The following ESR1 variants were observed in gnomAD, a reference collection of about 807,000 sequenced individuals.
The protein encoded by ESR1 is estrogen receptor 1.
ESR1 carries 12 observed loss-of-function variants against 52.7 expected under a neutral mutation model. The ratio of observed to expected loss-of-function variants is 0.23; its 90% confidence interval spans 0.15 to 0.37. ESR1 has a LOEUF of 0.37. Among genes scored for constraint, ESR1 ranks in the 10% least tolerant of loss-of-function variants. The pLI, the probability that ESR1 is intolerant of heterozygous loss-of-function variation, is 1.00. For missense variants in ESR1, 584 were observed against 779.7 expected, an observed-to-expected ratio of 0.75 and a Z score of 2.99; for synonymous variants, 305 against 316.8, an observed-to-expected ratio of 0.96 and a Z score of 0.39.
At chr6:151,933,275 G>T (rs1226823483) in intron 3 of ESR1, among the ~76,000 whole-genome samples, 1 of 149,190 alleles carries the variant, frequency 6.7e-6, no homozygotes. Flanking sequence ...TGGTGTATAA[G>T]AATGCTTGTG....
At chr6:151,907,137 T>C (rs1185854167) in intron 3 of ESR1, among the ~76,000 whole-genome samples, 1 of 152,136 alleles carries the variant, frequency 6.6e-6, no homozygotes, top group South Asian at 2.1e-4. Context: ...ATTTAATTTC[T>C]GTGTCTTTAT....
chr6:151,799,864 T>C (rs1777065142), upstream of ESR1, among the ~76,000 whole-genome samples: 1 of 152,180 alleles, frequency 6.6e-6, no homozygotes. Flanking sequence ...CGTGAATATT[T>C]AGACCCAGAG....
intron 3 of ESR1, among the ~76,000 whole-genome samples, chr6:151,931,367 GA>G (rs2033575236): frequency 6.6e-6 from 1 of 151,720 alleles, no homozygotes. Flanking sequence ...ATTTGCTTTT[GA>G]TTCTTTCTTA....
At chr6:152,026,993 T>C (rs1413837185) in intron 5 of ESR1, among the ~76,000 whole-genome samples, 1 of 151,254 alleles carries the variant, frequency 6.6e-6, no homozygotes, top group African/African-American at 2.4e-5. Flanking sequence ...TGAGGTGGAG[T>C]TTCGCTCTTG....
intron 2 of ESR1, among the ~76,000 whole-genome samples, chr6:151,725,253 T>C (rs901741558): frequency 6.6e-6 from 1 of 152,162 alleles, no homozygotes; most frequent in Admixed American, 6.5e-5. Context: ...TAGTGATATT[T>C]GTTGATTGGA....
intron 3 of ESR1, among the ~76,000 whole-genome samples, chr6:151,917,750 G>A (rs9340890): frequency 0.021 from 3,188 of 152,232 alleles, 98 homozygotes; most frequent in African/African-American, 0.069. Flanking sequence ...TATGAGGGCT[G>A]CCTCCTTGGT....
intron 5 of ESR1, among the ~76,000 whole-genome samples, chr6:152,046,906 T>C (rs538879781): frequency 1.6e-4 from 25 of 152,342 alleles, no homozygotes; most frequent in African/African-American, 6.0e-4. Context: ...TTTCTTGCAT[T>C]GTTTGGCATT....
intron 4 of ESR1, among the ~76,000 whole-genome samples, chr6:151,982,911 G>A (rs888028413): frequency 2.6e-4 from 39 of 151,926 alleles, no homozygotes; most frequent in African/African-American, 8.7e-4. Context: ...GGAGATATTC[G>A]ATCTCTGTTT....
downstream of ESR1, among the ~76,000 whole-genome samples, chr6:152,104,083 G>T (rs144205401): frequency 1.9e-4 from 28 of 147,258 alleles, no homozygotes; most frequent in Admixed American, 1.0e-3. Flanking sequence ...TGCCTGGAAG[G>T]GTTCTTTTAT....
intron 4 of ESR1, among the ~76,000 whole-genome samples, chr6:151,984,931 CCTT>C (rs879590302): frequency 6.6e-6 from 1 of 152,000 alleles, no homozygotes; most frequent in Non-Finnish European, 1.5e-5. Context: ...AGATCTAGTC[CCTT>C]CTTTAATTTT....
intron 4 of ESR1, among the ~76,000 whole-genome samples, chr6:152,010,168 T>C (rs2042649503): frequency 6.6e-6 from 1 of 152,116 alleles, no homozygotes; most frequent in Non-Finnish European, 1.5e-5. Flanking sequence ...ATTATCTATT[T>C]GGATATAAGA....
intron 1 of ESR1, among the ~76,000 whole-genome samples, chr6:151,661,665 A>C (rs1777642003): frequency 1.3e-5 from 2 of 152,118 alleles, no homozygotes; most frequent in Non-Finnish European, 2.9e-5. Context: ...TCCCTACCCA[A>C]ATCTTATCTT....
At chr6:151,806,530 G>GTATGTATATATATATATA (rs1430574846), upstream of ESR1, among the ~76,000 whole-genome samples, 12 of 96,446 alleles carry the variant, frequency 1.2e-4, no homozygotes, top group African/African-American at 4.4e-4. Flanking sequence ...TCCTTAATAT[G>GTATGTATATATATATATA]TATATATATA....
rs778449608 is a variant in ESR1, at chr6:151,880,750, G to A, written c.739G>A (p.Glu247Lys). 8 of 1,598,106 alleles carry A rather than the reference G, an allele frequency of 5.0e-6. No homozygotes were observed. Among genetic ancestry groups the A allele is most frequent in the Admixed American group, 3.3e-5 (2 of 60,012 alleles). ...CQACRLRKCY[E>K]VGMMKGGIRK... ...GGCCTGCCGGCTCCGTAAATGCTAC[G>A]AAGTGGGAATGATGAAAGGTGGTAG... is the stretch of plus-strand genomic sequence containing the variant. The change falls in exon 3 of 8, where the codon GAA (glutamate) becomes AAA (lysine). Residue 247 changes from glutamate to lysine, a missense_variant. This residue lies in a region of ESR1 where 25 missense variants were observed against 53.0 expected (regional missense o/e 0.47). Coordinates refer to ENST00000206249, the MANE Select transcript of ESR1 (RefSeq NM_000125.4).
intron 2 of ESR1, among the ~76,000 whole-genome samples, chr6:151,726,185 G>T (rs1431147673): frequency 2.0e-5 from 3 of 152,100 alleles, no homozygotes; most frequent in Non-Finnish European, 4.4e-5. Context: ...TACAATCCAT[G>T]ACTAGGATAT....
chr6:151,894,486 T>TC (rs1795164547), intron 3 of ESR1, among the ~76,000 whole-genome samples: 1 of 152,208 alleles, frequency 6.6e-6, no homozygotes, highest in South Asian at 2.1e-4. Context: ...GAAGGGTTTT[T>TC]CTGACGTTAA....
intron 2 of ESR1, among the ~76,000 whole-genome samples, chr6:151,754,653 T>C (rs1456216280): frequency 6.6e-6 from 1 of 152,182 alleles, no homozygotes; most frequent in South Asian, 2.1e-4. Flanking sequence ...GCTTCCAACA[T>C]ACTTTGCCCT....
intron 2 of ESR1, among the ~76,000 whole-genome samples, chr6:151,866,362 G>T (rs1012955281): frequency 3.3e-5 from 5 of 151,588 alleles, no homozygotes; most frequent in Admixed American, 1.3e-4. Flanking sequence ...TATACTTTAC[G>T]TTTGGGGATA....
intron 1 of ESR1, among the ~76,000 whole-genome samples, chr6:151,837,918 C>T (rs1363680272): frequency 6.6e-6 from 1 of 152,098 alleles, no homozygotes; most frequent in Non-Finnish European, 1.5e-5. Flanking sequence ...TGTGAAGTCT[C>T]CCCTTAGGAA....
Sources: gnomAD v4.1 joint callset for allele counts (sites outside exome capture counted in the v4.1 genomes callset) on GRCh38, gnomAD v4.1.1 for gene constraint, gnomAD v4.1.1 regional missense constraint, MANE v1.5 for transcripts, NCBI Gene and HGNC (gene_info 2026-07-23, HGNC 2026-07-21) for gene names.